The following PLAC8L1 variants were observed in gnomAD, a reference collection of about 807,000 sequenced individuals.
PLAC8L1 encodes the protein PLAC8-like protein 1.
Under a neutral mutation model 16.3 loss-of-function variants are expected in PLAC8L1, and 13 were observed. That is an observed-to-expected ratio of 0.80 (90% CI 0.52 to 1.27). The LOEUF (loss-of-function observed/expected upper bound fraction) is 1.27, where lower values mean the gene tolerates loss of function less well. PLAC8L1 is among the 50% of genes most tolerant of loss of function. The probability of loss-of-function intolerance (pLI) is 0.00; values close to 1 mark genes in which losing one functional copy is unlikely to be tolerated. For synonymous variants in PLAC8L1, 78 were observed against 79.3 expected (o/e 0.98, Z 0.09); for missense variants, 184 against 220.2 (o/e 0.84, Z 1.04).
rs755626094 is a variant in PLAC8L1, at chr5:146,105,165, C to A, written c.-854G>T. Among the ~76,000 whole-genome samples the A allele has an allele frequency of 5.9e-5, 9 of 152,150 alleles. No homozygotes were observed. Among genetic ancestry groups the A allele is most frequent in the Non-Finnish European group, 1.2e-4 (8 of 68,034 alleles). On this transcript the variant is annotated 5_prime_UTR_variant, in exon 1 of 4. It removes an upstream start codon present in the reference 5' UTR. Coordinates refer to ENST00000311450, the MANE Select transcript of PLAC8L1 (RefSeq NM_001029869.3). ...CACGTTGAGGAAAGGGCTCTGCAATCATAATTTGACATTACATTAGAAAGA... is the reference window on the plus strand; with the variant it reads ...CACGTTGAGGAAAGGGCTCTGCAATAATAATTTGACATTACATTAGAAAGA...
intron 2 of PLAC8L1, among the ~76,000 whole-genome samples, chr5:146,088,375 C>T (rs957471508): frequency 6.6e-6 from 1 of 152,172 alleles, no homozygotes; most frequent in Non-Finnish European, 1.5e-5. Context: ...GCACCAGACA[C>T]GAAGGCTCAC....
At chr5:146,085,210 G>C (rs116345813) in intron 3 of PLAC8L1, among the ~76,000 whole-genome samples, 17 of 152,128 alleles carry the variant, frequency 1.1e-4, no homozygotes, top group African/African-American at 3.9e-4. Context: ...TTGAGGGCAG[G>C]ACTTTGAGAA....
chr5:146,086,275 C>T (rs1343639129), intron 2 of PLAC8L1, among the ~76,000 whole-genome samples: 1 of 152,032 alleles, frequency 6.6e-6, no homozygotes, highest in Non-Finnish European at 1.5e-5. Context: ...GTGATCCGCC[C>T]GCCTCGGCCT....
intron 2 of PLAC8L1, among the ~76,000 whole-genome samples, chr5:146,092,278 T>A (rs1459885384): frequency 2.0e-5 from 3 of 152,198 alleles, no homozygotes; most frequent in Admixed American, 1.3e-4. Context: ...GGAGTGTAAA[T>A]TAGTACAACT....
At chr5:146,085,425 A>G (rs774161967) in intron 3 of PLAC8L1, 36 bp downstream of exon 3, 8 of 1,583,934 alleles carry the variant, frequency 5.1e-6, no homozygotes, top group Non-Finnish European at 6.9e-6. Context: ...GTTTTCATAC[A>G]GATTCGGGTT....
intron 1 of PLAC8L1, among the ~76,000 whole-genome samples, chr5:146,099,856 T>C (rs750640121): frequency 6.6e-6 from 1 of 152,100 alleles, no homozygotes; most frequent in Non-Finnish European, 1.5e-5. Context: ...CATGGTATTA[T>C]AGTATAAGTT....
chr5:146,088,377 A>G (rs1202895700), intron 2 of PLAC8L1, among the ~76,000 whole-genome samples: 1 of 152,218 alleles, frequency 6.6e-6, no homozygotes, highest in Non-Finnish European at 1.5e-5. Flanking sequence ...ACCAGACACG[A>G]AGGCTCACAT....
At position 146,100,231 on chromosome 5, in the gene PLAC8L1, A is replaced by G. The variant is rs185153196; in HGVS notation, c.120-1939T>C. Among the ~76,000 whole-genome samples the G allele has an allele frequency of 1.5e-3, 235 of 152,308 alleles. 2 individuals are homozygous for G. The highest frequency in any genetic ancestry group is 5.4e-3 in the African/African-American group (224 of 41,566). On this transcript the variant is annotated intron_variant, in intron 1 of 3. Coordinates refer to ENST00000311450, the MANE Select transcript of PLAC8L1 (RefSeq NM_001029869.3). ...GATGTTTGGAACATATTTAGTCTCA[A>G]TGTCAGTGAGAATCAAGACAATACT... is the stretch of plus-strand genomic sequence containing the variant.
chr5:146,095,665 A>G (rs764847964), intron 2 of PLAC8L1, among the ~76,000 whole-genome samples: 12 of 152,182 alleles, frequency 7.9e-5, no homozygotes, highest in African/African-American at 9.7e-5. Context: ...CTGCACCCCA[A>G]TAGTAAATTT....
chr5:146,085,364 C>T, intron 3 of PLAC8L1, 97 bp downstream of exon 3: 1 of 1,366,262 alleles, frequency 7.3e-7, no homozygotes, highest in Non-Finnish European at 9.9e-7. Context: ...TTTCAACATC[C>T]TCACCCACCC....
At chr5:146,086,114 C>T (rs1053797089) in intron 2 of PLAC8L1, among the ~76,000 whole-genome samples, 1 of 143,702 alleles carries the variant, frequency 7.0e-6, no homozygotes, top group African/African-American at 2.6e-5. Context: ...ACTGCAAGCT[C>T]CGCCTCCCGG....
In PLAC8L1 at chr5:146,087,032, C is replaced by T. The variant is rs547791160; in HGVS notation, c.257-1435G>A. Among the ~76,000 whole-genome samples, 5 of 152,296 alleles carry T rather than the reference C, an allele frequency of 3.3e-5. No homozygotes were observed. In the South Asian group the frequency reaches 1.0e-3, roughly 32 times the overall value. ...CTCCTGTGTCCTTTTCCAATCAATC[C>T]CAGCCCTCCCGTTGCCCACTAGAGG... On this transcript the variant is annotated intron_variant, in intron 2 of 3. Transcript: ENST00000311450.
intron 2 of PLAC8L1, among the ~76,000 whole-genome samples, chr5:146,088,678 T>C (rs766697375): frequency 6.6e-6 from 1 of 152,198 alleles, no homozygotes; most frequent in Non-Finnish European, 1.5e-5. Flanking sequence ...TCATCTACTG[T>C]AGACATCTCT....
intron 2 of PLAC8L1, among the ~76,000 whole-genome samples, chr5:146,092,273 G>A (rs1763632567): frequency 6.6e-6 from 1 of 152,164 alleles, no homozygotes; most frequent in African/African-American, 2.4e-5. Context: ...TGGTGGGAGT[G>A]TAAATTAGTA....
At chr5:146,098,941 T>C (rs1321807384) in intron 1 of PLAC8L1, among the ~76,000 whole-genome samples, 1 of 152,214 alleles carries the variant, frequency 6.6e-6, no homozygotes, top group Non-Finnish European at 1.5e-5. Flanking sequence ...ATTGACCTAG[T>C]GGTGCCACAA....
intron 2 of PLAC8L1, among the ~76,000 whole-genome samples, chr5:146,089,985 CG>C (rs1421091446): frequency 6.6e-6 from 1 of 151,876 alleles, no homozygotes; most frequent in Non-Finnish European, 1.5e-5. Flanking sequence ...GTGATCCGCC[CG>C]CTTCAGCCTC....
intron 1 of PLAC8L1, chr5:146,103,842 G>A: frequency 1.0e-6 from 1 of 985,284 alleles, no homozygotes; most frequent in Non-Finnish European, 1.2e-6. Flanking sequence ...TTGTACCTAG[G>A]CCTCCTTGAT....
chr5:146,095,880 G>A (rs944140804), intron 2 of PLAC8L1, among the ~76,000 whole-genome samples: 7 of 152,302 alleles, frequency 4.6e-5, no homozygotes, highest in East Asian at 1.9e-4. Flanking sequence ...ATAACAGTGC[G>A]TCTTGTCCCT....
rs1280848338 is a variant in PLAC8L1, at chr5:146,103,556, G to T, written c.119+637C>A. 9.8e-6 allele frequency: 7 copies of T among 716,256 alleles called. No homozygotes were observed. In the Admixed American group the frequency reaches 2.5e-4, roughly 26 times the overall value. The allele number at this position is 716,256 out of a possible 1,614,324, so 44.4% of individuals were successfully genotyped here. ...GTTTTCCCAGGATAGGGAAGTTTTA[G>T]TGCTAAAACCAGTACAGTTCCAGGC... On this transcript the variant is annotated intron_variant, in intron 1 of 3. Coordinates refer to ENST00000311450, the MANE Select transcript of PLAC8L1 (RefSeq NM_001029869.3).
Sources: allele counts gnomAD v4.1 joint callset (sites outside exome capture counted in the v4.1 genomes callset), GRCh38; gene constraint gnomAD v4.1.1; transcripts MANE v1.5; gene names NCBI Gene and HGNC (gene_info 2026-07-23, HGNC 2026-07-21).